Variants in TNFRSF10B observed in about 807,000 individuals in gnomAD.
The protein encoded by TNFRSF10B is tumor necrosis factor receptor superfamily member 10B.
TNFRSF10B carries 35 observed loss-of-function variants against 41.4 expected under a neutral mutation model. That is an observed-to-expected ratio of 0.85 (90% CI 0.65 to 1.12). The LOEUF is 1.12. Among genes scored for constraint, TNFRSF10B ranks in the 50% most tolerant of loss-of-function variants. The pLI, the probability that TNFRSF10B is intolerant of heterozygous loss-of-function variation, is 0.00. For synonymous variants in TNFRSF10B, 230 were observed against 215.5 expected, an observed-to-expected ratio of 1.07 and a Z score of -0.59; for missense variants, 584 against 552.7, an observed-to-expected ratio of 1.06 and a Z score of -0.57.
intron 2 of TNFRSF10B, among the ~76,000 whole-genome samples, chr8:23,032,769 GA>G (rs1469506557): frequency 6.6e-6 from 1 of 152,184 alleles, no homozygotes; most frequent in Non-Finnish European, 1.5e-5. Context: ...CAATTTCATT[GA>G]CAATGACATA....
At chr8:23,042,937 T>C in intron 2 of TNFRSF10B, 1 of 565,776 alleles carries the variant, frequency 1.8e-6, no homozygotes, top group Non-Finnish European at 3.2e-6. Context: ...AAGGTTCCTA[T>C]CAGTTTCTTT....
At chr8:23,049,288 T>C (rs1329281321) in intron 1 of TNFRSF10B, among the ~76,000 whole-genome samples, 1 of 152,186 alleles carries the variant, frequency 6.6e-6, no homozygotes, top group East Asian at 1.9e-4. Flanking sequence ...ACCAAGAGTT[T>C]TGCCTAGGCC....
chr8:23,022,808 C>T lies in TNFRSF10B; in HGVS notation c.1186G>A (p.Asp396Asn), dbSNP rs767491717. 4.3e-5 allele frequency: 69 copies of T among 1,613,970 alleles called. No individual in the cohort carries two copies. The highest frequency in any genetic ancestry group is 5.7e-5 in the Non-Finnish European group (67 of 1,179,902). Reference protein sequence around the residue: ...LIKWVNKTGRDASVHTLLDAL... With the variant: ...LIKWVNKTGRNASVHTLLDAL... The stretch of plus-strand genomic sequence containing the variant: ...TCCAGCAGGGTGTGGACAGAGGCAT[C>T]TCGCCCGGTTTTGTTGACCCACTTT... The change falls in exon 9 of 9, where the codon GAT becomes AAT. Residue 396 changes from aspartate to asparagine, a missense_variant. Asp to Asn is a conservative substitution (Grantham distance 23). Transcript: ENST00000276431.
intron 1 of TNFRSF10B, among the ~76,000 whole-genome samples, chr8:23,062,637 G>A (rs532411178): frequency 9.7e-4 from 147 of 152,176 alleles, no homozygotes; most frequent in African/African-American, 3.4e-3. Context: ...AACTTAGCTC[G>A]TTGATTTAAG....
At position 23,034,082 on chromosome 8, in the gene TNFRSF10B, A is replaced by G. The variant is rs890713416; in HGVS notation, c.251-3210T>C. On this transcript the variant is annotated intron_variant, in intron 2 of 8. Transcript: ENST00000276431. ...GATTTAAAGAGCAAATGCAGAAAAC[A>G]ATAATTACAAATTGATGTTAATGGG... Among the ~76,000 whole-genome samples, 32 of 152,362 alleles carry G rather than the reference A, an allele frequency of 2.1e-4. 1 individual carries two copies. The highest frequency in any genetic ancestry group is 1.5e-3 in the Admixed American group (23 of 15,308).
intron 1 of TNFRSF10B, among the ~76,000 whole-genome samples, chr8:23,051,633 C>T (rs1812521327): frequency 6.6e-6 from 1 of 151,720 alleles, no homozygotes; most frequent in South Asian, 2.1e-4. Context: ...CAAGCTCTGC[C>T]TCCCGGGTTC....
chr8:23,032,060 C>T (rs1464115469), intron 2 of TNFRSF10B, among the ~76,000 whole-genome samples: 2 of 152,034 alleles, frequency 1.3e-5, no homozygotes, highest in African/African-American at 4.8e-5. Context: ...GCACCCACCA[C>T]CGCACCCGGC....
intron 1 of TNFRSF10B, chr8:23,050,006 C>CTG (rs1812480264): frequency 6.6e-6 from 1 of 151,698 alleles, no homozygotes; most frequent in Non-Finnish European, 1.5e-5. Flanking sequence ...GGGGACCCTC[C>CTG]AGAGGGCTGT....
chr8:23,052,319 T>C (rs954562407), intron 1 of TNFRSF10B, among the ~76,000 whole-genome samples: 4 of 148,538 alleles, frequency 2.7e-5, no homozygotes, highest in African/African-American at 9.9e-5. Context: ...AGAGTCTTGC[T>C]CTGTCACCCA....
Position 23,058,846 on chromosome 8 carries a change from A to T in TNFRSF10B, c.144+9905T>A, listed in dbSNP as rs11989823. Among the ~76,000 whole-genome samples, 1,487 of 152,256 alleles carry T rather than the reference A, an allele frequency of 9.8e-3. 30 individuals carry two copies. Among genetic ancestry groups the T allele is most frequent in the African/African-American group, 0.034 (1,406 of 41,540 alleles). On this transcript the variant is annotated intron_variant, in intron 1 of 8. Transcript: ENST00000276431. The stretch of plus-strand genomic sequence containing the variant: ...TTATGTGTAATTGTTATAGTGACTA[A>T]AATAAATGCTGTTTTTTTAAATCTA...
chr8:23,055,704 C>A (rs1296495347), intron 1 of TNFRSF10B, among the ~76,000 whole-genome samples: 2 of 151,966 alleles, frequency 1.3e-5, no homozygotes, highest in East Asian at 3.9e-4. Flanking sequence ...ACTCCCCAGG[C>A]CTCCACAAAC....
At chr8:23,068,409 A>G in intron 1 of TNFRSF10B, 1 of 394,320 alleles carries the variant, frequency 2.5e-6, no homozygotes, top group South Asian at 3.3e-5. Flanking sequence ...GAAAAAGAGA[A>G]AGAAACAGAA....
At chr8:23,033,695 T>C (rs1348740303) in intron 2 of TNFRSF10B, among the ~76,000 whole-genome samples, 1 of 140,622 alleles carries the variant, frequency 7.1e-6, no homozygotes, top group Non-Finnish European at 1.5e-5. Context: ...TATAATAAAA[T>C]ACCATAGACC....
At chr8:23,037,142 G>A (rs966609760) in intron 2 of TNFRSF10B, among the ~76,000 whole-genome samples, 5 of 152,178 alleles carry the variant, frequency 3.3e-5, no homozygotes, top group Non-Finnish European at 2.9e-5. Flanking sequence ...ATAATCAGGT[G>A]GATAGGATGA....
chr8:23,037,338 T>G (rs574426434), intron 2 of TNFRSF10B, among the ~76,000 whole-genome samples: 103 of 152,176 alleles, frequency 6.8e-4, no homozygotes, highest in African/African-American at 2.3e-3. Flanking sequence ...GGCAGCAGAG[T>G]CCAACACTGA....
intron 1 of TNFRSF10B, among the ~76,000 whole-genome samples, chr8:23,048,268 T>C (rs1407848037): frequency 6.6e-6 from 1 of 151,830 alleles, no homozygotes; most frequent in Non-Finnish European, 1.5e-5. Context: ...AAACCCTGTT[T>C]CTATTAAAAA....
At chr8:23,046,615 T>G (rs946144110) in intron 1 of TNFRSF10B, among the ~76,000 whole-genome samples, 3 of 129,844 alleles carry the variant, frequency 2.3e-5, no homozygotes, top group Non-Finnish European at 5.2e-5. Flanking sequence ...TATGCAACCA[T>G]AAAAAAAAAA....
chr8:23,026,410 A>G (rs1811702771), intron 7 of TNFRSF10B, among the ~76,000 whole-genome samples: 1 of 152,220 alleles, frequency 6.6e-6, no homozygotes, highest in Non-Finnish European at 1.5e-5. Flanking sequence ...GCTTGGAAGA[A>G]GGAAACAGAG....
rs757562456 is a variant in TNFRSF10B, at chr8:23,069,011, G to T, written c.-117C>A. ...AGATTGCGGGGTTCTCCGGCCGCGTGCTGATTTATGTGTCCAGGCTGACTT... is the reference window on the plus strand; with the variant it reads ...AGATTGCGGGGTTCTCCGGCCGCGTTCTGATTTATGTGTCCAGGCTGACTT... On this transcript the variant is annotated 5_prime_UTR_variant, in exon 1 of 9. Transcript: ENST00000276431. 8.5e-6 allele frequency: 13 copies of T among 1,521,370 alleles called. No homozygotes were observed. Among genetic ancestry groups the T allele is most frequent in the African/African-American group, 6.8e-5 (5 of 73,164 alleles). The allele number at this position is 1,521,370 out of a possible 1,614,324, so 94.2% of individuals were successfully genotyped here.
Sources: allele counts gnomAD v4.1 joint callset (sites outside exome capture counted in the v4.1 genomes callset), GRCh38; gene constraint gnomAD v4.1.1; transcripts MANE v1.5; gene names NCBI Gene and HGNC (gene_info 2026-07-23, HGNC 2026-07-21).